Variants in DMD observed in about 807,000 individuals in gnomAD.
The protein encoded by DMD is mutant dystrophin.
In DMD, 63 loss-of-function variants were observed where a neutral mutation model predicts 330.1. The ratio of observed to expected loss-of-function variants is 0.19; its 90% CI spans 0.16 to 0.24. DMD has a LOEUF of 0.24. Among genes scored for constraint, DMD ranks in the 10% least tolerant of loss-of-function variants. The probability of loss-of-function intolerance (pLI) is 1.00; values close to 1 mark genes in which losing one functional copy is unlikely to be tolerated. For synonymous variants in DMD, 1,223 were observed against 959.8 expected (o/e 1.27, Z -5.07); for missense variants, 3,344 against 2,684.1 (o/e 1.25, Z -5.43).
intron 1 of DMD, among the ~76,000 whole-genome samples, chrX:33,251,612 A>G (rs1157955783): frequency 8.9e-6 from 1 of 112,237 alleles, no homozygotes; most frequent in African/African-American, 3.2e-5. Flanking sequence ...ATTCAGGTAT[A>G]TAGTGTTACA....
At chrX:33,235,922 T>TATTATTATTATTATTATTA (rs1569559007) in intron 1 of DMD, among the ~76,000 whole-genome samples, 2 of 104,888 alleles carry the variant, frequency 1.9e-5, no homozygotes, top group African/African-American at 7.0e-5. Flanking sequence ...TATTATTTTT[T>TATTATTATTATTATTATTA]TTTTTTTTTA....
intron 50 of DMD, among the ~76,000 whole-genome samples, chrX:31,808,414 T>C (rs1249367775): frequency 7.2e-5 from 8 of 111,790 alleles, no homozygotes; most frequent in Admixed American, 9.5e-5. Flanking sequence ...CCCAGAATCA[T>C]AGAGATTTGC....
chrX:33,095,858 G>C (rs947666627), intron 1 of DMD, among the ~76,000 whole-genome samples: 21 of 108,588 alleles, frequency 1.9e-4, no homozygotes, highest in African/African-American at 7.1e-4. Flanking sequence ...CAAAAATGAA[G>C]ACAGGATAGA....
At chrX:31,175,991 T>G (rs958139046) in intron 71 of DMD, among the ~76,000 whole-genome samples, 1 of 111,316 alleles carries the variant, frequency 9.0e-6, no homozygotes, top group African/African-American at 3.3e-5. Flanking sequence ...ACTTTCAAAT[T>G]CTGTGATCCA....
intron 52 of DMD, among the ~76,000 whole-genome samples, chrX:31,724,401 GT>G (rs1044770909): frequency 2.7e-5 from 3 of 110,727 alleles, no homozygotes; most frequent in Middle Eastern, 4.7e-3. Flanking sequence ...TGTGAGAGAT[GT>G]TTTTTTTTAT....
intron 44 of DMD, among the ~76,000 whole-genome samples, chrX:32,123,243 A>ATATATATATATATAT (rs1491535545): frequency 1.1e-3 from 94 of 82,819 alleles, no homozygotes; most frequent in Non-Finnish European, 1.5e-3. Flanking sequence ...ATATATATAT[A>ATATATATATATATAT]AATGATCAAA....
intron 1 of DMD, among the ~76,000 whole-genome samples, chrX:33,190,949 AATAT>A (rs2050568686): frequency 0.012 from 9 of 782 alleles, 2 homozygotes; most frequent in Admixed American, 0.082. Flanking sequence ...TATAATATAT[AATAT>A]TATATATATA....
chrX:32,404,340 G>T (rs2098105087), intron 30 of DMD, among the ~76,000 whole-genome samples: 1 of 111,507 alleles, frequency 9.0e-6, no homozygotes, highest in Non-Finnish European at 1.9e-5. Flanking sequence ...GTCCTAGCTT[G>T]GTGAGCAAAC....
chrX:31,751,916 T>A (rs1043180331), intron 51 of DMD, among the ~76,000 whole-genome samples: 5 of 112,356 alleles, frequency 4.5e-5, no homozygotes, highest in Admixed American at 1.9e-4. Context: ...AGAGCTTGCA[T>A]TCCCTCTAAG....
intron 2 of DMD, among the ~76,000 whole-genome samples, chrX:32,857,800 C>T (rs1199110917): frequency 1.8e-5 from 2 of 111,453 alleles, no homozygotes; most frequent in Non-Finnish European, 1.9e-5. Context: ...ACAAGGACTA[C>T]GTTTGGGTTT....
At chrX:33,048,799 A>G (rs778409015) in intron 1 of DMD, among the ~76,000 whole-genome samples, 1 of 109,592 alleles carries the variant, frequency 9.1e-6, no homozygotes, top group African/African-American at 3.3e-5. Context: ...CACACTCTTC[A>G]TATGGCAAAC....
intron 44 of DMD, among the ~76,000 whole-genome samples, chrX:32,143,378 C>G (rs1454770099): frequency 8.1e-5 from 9 of 111,058 alleles, no homozygotes; most frequent in Non-Finnish European, 1.7e-4. Flanking sequence ...TTCTCCAGCA[C>G]AGTTCACCCT....
chrX:32,204,165 C>T (rs1254094987), intron 44 of DMD, among the ~76,000 whole-genome samples: 2 of 111,731 alleles, frequency 1.8e-5, no homozygotes, highest in East Asian at 5.6e-4. Flanking sequence ...TTTGGCTTAA[C>T]ATTTCTAACT....
chrX:32,648,121 T>C (rs921474362), intron 9 of DMD, among the ~76,000 whole-genome samples: 5 of 111,961 alleles, frequency 4.5e-5, no homozygotes, highest in Non-Finnish European at 7.5e-5. Context: ...GATTGAATTT[T>C]GGAAGAAAAT....
chrX:31,942,984 G>A (rs1480986083), intron 45 of DMD, among the ~76,000 whole-genome samples: 1 of 111,956 alleles, frequency 8.9e-6, no homozygotes, highest in Non-Finnish European at 1.9e-5. Flanking sequence ...ATTCAACCAG[G>A]GAAAGCTATA....
At chrX:32,052,323 A>C (rs954857096) in intron 44 of DMD, among the ~76,000 whole-genome samples, 11 of 110,885 alleles carry the variant, frequency 9.9e-5, no homozygotes, top group African/African-American at 2.9e-4. Flanking sequence ...CTTGACCCCA[A>C]ATGAATCTTA....
rs1437449543 is a variant in DMD at position 33,005,138 on chromosome X, G to C, written c.93+15001C>G. Reference sequence around the variant, plus strand: ...TGGTTTATCTTGTCTGGTTGCAATGGCTAATATTTTCAACACAATGTTAAG... The same window carrying C: ...TGGTTTATCTTGTCTGGTTGCAATGCCTAATATTTTCAACACAATGTTAAG... On this transcript the variant is annotated intron_variant, in intron 2 of 78. Coordinates refer to ENST00000357033, the MANE Select transcript of DMD (RefSeq NM_004006.3). Among the ~76,000 whole-genome samples the C allele has an allele frequency of 5.5e-5, 6 of 109,789 alleles. No homozygotes were observed. The Admixed American group carries it at 5.9e-4, about 11-fold the overall frequency.
chrX:31,308,408 ACTCAACCCCATCTGCT>A (rs1471132283), intron 62 of DMD, among the ~76,000 whole-genome samples: 2 of 111,314 alleles, frequency 1.8e-5, no homozygotes, highest in African/African-American at 6.5e-5. Context: ...CCCCATCAAC[ACTCAACCCCATCTGCT>A]CTCAACAAAC....
intron 1 of DMD, among the ~76,000 whole-genome samples, chrX:33,208,092 T>C (rs887194421): frequency 1.8e-5 from 2 of 111,592 alleles, no homozygotes; most frequent in Admixed American, 1.9e-4. Context: ...CATTGTGATT[T>C]GGCGTGCCTT....
Sources: gnomAD v4.1 joint callset for allele counts (sites outside exome capture counted in the v4.1 genomes callset) on GRCh38, gnomAD v4.1.1 for gene constraint, MANE v1.5 for transcripts, NCBI Gene and HGNC (gene_info 2026-07-23, HGNC 2026-07-21) for gene names.